RPS6KA2: variants seen among roughly 807,000 people sequenced by gnomAD.
RPS6KA2 encodes the protein ribosomal protein S6 kinase A2.
Under a neutral mutation model 91.8 loss-of-function variants are expected in RPS6KA2, and 42 were observed. The observed-to-expected ratio is 0.46, with a 90% CI of 0.36 to 0.59. The LOEUF (loss-of-function observed/expected upper bound fraction) is 0.59, where lower values mean the gene tolerates loss of function less well. RPS6KA2 is among the 20% of genes least tolerant of loss of function. The pLI is 0.00. For missense variants in RPS6KA2, 798 were observed against 978.5 expected (o/e 0.82, Z 2.46); for synonymous variants, 414 against 393.6 (o/e 1.05, Z -0.61).
rs547795868 is a variant in RPS6KA2, at chr6:166,502,632, G to A, written c.567-1708C>T. Among the ~76,000 whole-genome samples the A allele has an allele frequency of 7.9e-5, 12 of 152,296 alleles. No homozygotes were observed. The South Asian group carries it at 1.0e-3, about 13-fold the overall frequency. On this transcript the variant is annotated intron_variant, in intron 6 of 20. Coordinates refer to ENST00000265678, the MANE Select transcript of RPS6KA2 (RefSeq NM_021135.6). ...ACACAGACTCACAACACGGCACTCC[G>A]ACTTGGAGGGTAATTAATACCAGGT... is the stretch of plus-strand genomic sequence containing the variant.
chr6:166,849,891 CA>C lies in RPS6KA2; in HGVS notation c.123+8308del, dbSNP rs1298253959. 1.3e-5 allele frequency among the ~76,000 whole-genome samples: 2 copies of C among 152,176 alleles called. No homozygotes were observed. Among genetic ancestry groups the C allele is most frequent in the African/African-American group, 2.4e-5 (1 of 41,438 alleles). On this transcript the variant is annotated intron_variant, in intron 2 of 21. Transcript: ENST00000503859. This position sits in a 1 kb window ranked among gnomAD's most constrained non-coding sequence, Gnocchi z 4.9. ...GAAGTGAGACACCGGGTTCAGGGAC[CA>C]GGGGCACTCATGCCTGGCTCCGCTG...
At chr6:166,802,112 A>G (rs1339449787) in intron 2 of RPS6KA2, among the ~76,000 whole-genome samples, 1 of 151,916 alleles carries the variant, frequency 6.6e-6, no homozygotes, top group Non-Finnish European at 1.5e-5. Context: ...ACACACACAC[A>G]CAAACAAATT....
intron 1 of RPS6KA2, among the ~76,000 whole-genome samples, chr6:166,591,245 T>C (rs565433921): frequency 6.6e-6 from 1 of 151,998 alleles, no homozygotes; most frequent in Non-Finnish European, 1.5e-5. Context: ...GGAAAGATGT[T>C]ACCATCATTC....
intron 3 of RPS6KA2, among the ~76,000 whole-genome samples, chr6:166,530,109 A>G (rs1042223436): frequency 1.3e-5 from 2 of 152,170 alleles, no homozygotes; most frequent in African/African-American, 4.8e-5. Context: ...GAAGGCAGAG[A>G]ATGATATATT....
At chr6:166,473,824 C>T (rs1393510595) in intron 10 of RPS6KA2, among the ~76,000 whole-genome samples, 4 of 152,174 alleles carry the variant, frequency 2.6e-5, no homozygotes, top group African/African-American at 4.8e-5. Context: ...CCTAACCAGC[C>T]CACCATGTCC....
At chr6:166,771,284 G>A (rs547756083) in intron 2 of RPS6KA2, among the ~76,000 whole-genome samples, 19 of 152,156 alleles carry the variant, frequency 1.2e-4, no homozygotes, top group Non-Finnish European at 2.8e-4. Flanking sequence ...ATGCTTTCAG[G>A]TGACTCTAAA....
intron 1 of RPS6KA2, among the ~76,000 whole-genome samples, chr6:166,619,333 G>T (rs1175527945): frequency 6.6e-6 from 1 of 152,250 alleles, no homozygotes; most frequent in Non-Finnish European, 1.5e-5. Flanking sequence ...AAGAATTCAA[G>T]AAGTCAAAGG....
intron 15 of RPS6KA2, 79 bp downstream of exon 15, chr6:166,432,322 T>G: frequency 1.1e-6 from 1 of 919,994 alleles, no homozygotes; most frequent in Non-Finnish European, 1.7e-6. Context: ...TGAGAAAGCT[T>G]GCTCTGAGTG....
intron 1 of RPS6KA2, among the ~76,000 whole-genome samples, chr6:166,580,079 T>A (rs1210502424): frequency 6.6e-6 from 1 of 152,242 alleles, no homozygotes; most frequent in African/African-American, 2.4e-5. Context: ...GTTGCCCCCA[T>A]CACAGTGGGC....
intron 6 of RPS6KA2, among the ~76,000 whole-genome samples, chr6:166,503,033 A>G (rs1265714193): frequency 1.3e-5 from 2 of 152,242 alleles, no homozygotes; most frequent in Non-Finnish European, 2.9e-5. Flanking sequence ...TTTATGTTTC[A>G]TATATACCTT....
intron 1 of RPS6KA2, among the ~76,000 whole-genome samples, chr6:166,573,148 G>A (rs1262433763): frequency 6.6e-6 from 1 of 152,190 alleles, no homozygotes; most frequent in Non-Finnish European, 1.5e-5. Context: ...TTGGTCTGTG[G>A]GAAGCCACAT....
At position 166,849,978 on chromosome 6, in the gene RPS6KA2, A is replaced by G. The variant is rs1425441778; in HGVS notation, c.123+8222T>C. The stretch of plus-strand genomic sequence containing the variant: ...CCGGGTTCAGGAACGAGGGGCACTC[A>G]CGCATGGCTCTGCTATGCCCACGGG... On this transcript the variant is annotated intron_variant, in intron 2 of 21. Coordinates refer to the RPS6KA2 transcript ENST00000503859. This position sits in a 1 kb window ranked among gnomAD's most constrained non-coding sequence, Gnocchi z 4.9. 1.3e-5 allele frequency among the ~76,000 whole-genome samples: 2 copies of G among 152,074 alleles called. No individual in the cohort carries two copies. Among genetic ancestry groups the G allele is most frequent in the African/African-American group, 2.4e-5 (1 of 41,436 alleles).
intron 1 of RPS6KA2, among the ~76,000 whole-genome samples, chr6:166,545,236 G>A (rs1346669704): frequency 6.6e-6 from 1 of 152,222 alleles, no homozygotes; most frequent in Non-Finnish European, 1.5e-5. Flanking sequence ...CGCAGAATCC[G>A]CGGAGGGAAA....
In RPS6KA2 at chr6:166,858,228, T is replaced by C. The variant is rs9347162; in HGVS notation, c.95A>G (p.Glu32Gly). Residue 32 changes from glutamate to glycine, a missense_variant, in exon 2 of 22, where the codon GAG becomes GGG. Physicochemically the swap from Glu to Gly is moderately conservative, Grantham distance 98. Transcript: ENST00000503859. ...TTCTGCAGTGTCTTCTGTGGTGGGC[T>C]CCACATCCAGGTTGAGATCCTCCTC... The C allele has an allele frequency of 0.72, 1,104,804 of 1,527,610 alleles. 411,468 individuals are homozygous for C. Among genetic ancestry groups the C allele is most frequent in the East Asian group, 0.88 (38,819 of 44,082 alleles). The allele number at this position is 1,527,610 out of a possible 1,614,324, so 94.6% of individuals were successfully genotyped here.
chr6:166,515,872 G>A (rs890647460), intron 3 of RPS6KA2, among the ~76,000 whole-genome samples: 4 of 152,192 alleles, frequency 2.6e-5, no homozygotes, highest in African/African-American at 9.7e-5. Context: ...CCTTTGGAGA[G>A]GCTAGTCAGA....
At chr6:166,813,352 T>C (rs1429100845) in intron 2 of RPS6KA2, among the ~76,000 whole-genome samples, 2 of 152,154 alleles carry the variant, frequency 1.3e-5, no homozygotes, top group African/African-American at 4.8e-5. Context: ...GCCAAACCTA[T>C]AAAGGATTGG....
intron 2 of RPS6KA2, among the ~76,000 whole-genome samples, chr6:166,743,831 ACGG>A (rs1790890411): frequency 3.3e-5 from 5 of 150,968 alleles, no homozygotes; most frequent in African/African-American, 1.2e-4. Context: ...TGGTCAGTGC[ACGG>A]CAGACAGGGC....
Position 166,821,393 on chromosome 6 carries a change from C to A in RPS6KA2, c.123+36807G>T, listed in dbSNP as rs1007520179. On this transcript the variant is annotated intron_variant, in intron 2 of 21. Coordinates refer to the RPS6KA2 transcript ENST00000503859. This position sits in a 1 kb window ranked among gnomAD's most constrained non-coding sequence, Gnocchi z 4.1. ...AGGCCCTGTGGGTGCGCTTCACATG[C>A]GTGGGGCTGTAGGATGGAGGGGTGG... is the stretch of plus-strand genomic sequence containing the variant. 6.6e-6 allele frequency among the ~76,000 whole-genome samples: 1 copy of A among 152,050 alleles called. No homozygotes were observed. Among genetic ancestry groups the A allele is most frequent in the African/African-American group, 2.4e-5 (1 of 41,396 alleles).
Position 166,612,798 on chromosome 6 carries a change from A to G in RPS6KA2, c.99+14123T>C, listed in dbSNP as rs1436605330. 1.3e-5 allele frequency among the ~76,000 whole-genome samples: 2 copies of G among 152,096 alleles called. No homozygotes were observed. The highest frequency in any genetic ancestry group is 1.5e-5 in the Non-Finnish European group (1 of 68,030). ...GCCACTGCCAAATTTACTCCACATC[A>G]GCCTCTCTCTCTCCATGCCCTTGAC... On this transcript the variant is annotated intron_variant, in intron 1 of 20. Transcript: ENST00000265678. This position sits in a 1 kb window ranked among gnomAD's most constrained non-coding sequence, Gnocchi z 4.3.
Sources: gnomAD v4.1 joint callset for allele counts (sites outside exome capture counted in the v4.1 genomes callset) on GRCh38, gnomAD v4.1.1 for gene constraint, Gnocchi (gnomAD v3.1) non-coding constraint, MANE v1.5 for transcripts, NCBI Gene and HGNC (gene_info 2026-07-23, HGNC 2026-07-21) for gene names.